The following POLQ variants were observed in gnomAD, a reference collection of about 807,000 sequenced individuals.
The protein encoded by POLQ is DNA polymerase theta.
POLQ carries 233 observed loss-of-function variants against 259.2 expected under a neutral mutation model. The observed-to-expected ratio is 0.90, with a 90% CI of 0.81 to 1.00. POLQ has a LOEUF of 1.00. Ranked by LOEUF, POLQ falls within the 50% of genes least tolerant of loss-of-function variation. The probability of loss-of-function intolerance (pLI) is 0.00; values close to 1 mark genes in which losing one functional copy is unlikely to be tolerated. For synonymous variants in POLQ, 1,025 were observed against 1,048.8 expected, an observed-to-expected ratio of 0.98 and a Z score of 0.44; for missense variants, 2,871 against 3,051.6, an observed-to-expected ratio of 0.94 and a Z score of 1.39.
chr3:121,506,971 A>G (rs1035579282), intron 12 of POLQ, among the ~76,000 whole-genome samples: 3 of 152,168 alleles, frequency 2.0e-5, no homozygotes, highest in Non-Finnish European at 4.4e-5. Context: ...TCCAAGATAC[A>G]CTGTTAAGAA....
At chr3:121,451,185 T>C (rs1322469567) in intron 25 of POLQ, among the ~76,000 whole-genome samples, 1 of 152,188 alleles carries the variant, frequency 6.6e-6, no homozygotes, top group African/African-American at 2.4e-5. Context: ...AGTTAGCCAT[T>C]CGTCTAATCT....
At chr3:121,449,455 G>A in intron 25 of POLQ, 29 bp from the exon 26 acceptor site, 1 of 1,196,672 alleles carries the variant, frequency 8.4e-7, no homozygotes. Flanking sequence ...ACAAATAAAG[G>A]TTATAAGTAC....
intron 8 of POLQ, among the ~76,000 whole-genome samples, chr3:121,520,915 A>G (rs1483397484): frequency 6.6e-6 from 1 of 152,218 alleles, no homozygotes; most frequent in Non-Finnish European, 1.5e-5. Context: ...ACATGAGTAA[A>G]TGAAAAACAG....
At chr3:121,498,335 A>T (rs1392710876) in intron 13 of POLQ, 142 bp downstream of exon 13, 1 of 533,294 alleles carries the variant, frequency 1.9e-6, no homozygotes, top group African/African-American at 2.1e-5. Flanking sequence ...AAAGAAAATG[A>T]AAAAAAAGAA....
At chr3:121,516,017 G>A (rs573418514) in intron 9 of POLQ, among the ~76,000 whole-genome samples, 79 of 151,872 alleles carry the variant, frequency 5.2e-4, no homozygotes, top group Non-Finnish European at 7.2e-4. Flanking sequence ...GAGATGAAGA[G>A]TACAATGAGT....
At chr3:121,457,015 G>A (rs537440858) in intron 25 of POLQ, among the ~76,000 whole-genome samples, 2 of 152,142 alleles carry the variant, frequency 1.3e-5, no homozygotes, top group South Asian at 2.1e-4. Flanking sequence ...AAAACAGCAT[G>A]GTACTGGTAC....
At chr3:121,507,842 T>C (rs1376215909) in intron 12 of POLQ, among the ~76,000 whole-genome samples, 2 of 152,118 alleles carry the variant, frequency 1.3e-5, no homozygotes, top group Non-Finnish European at 2.9e-5. Flanking sequence ...CTTTCAGTTA[T>C]CTCACTTATA....
rs748876572 is a variant in POLQ, at chr3:121,490,428, AAGAC to A, written c.2523-24_2523-21del. ...CGGGCACTACACAAGGAGATGGGAA[AAGAC>A]AGAAATGAATTCATTCATTCGTAAG... On this transcript the variant is annotated intron_variant, in intron 15 of 29. Transcript: ENST00000264233. 3.7e-5 allele frequency: 59 copies of A among 1,591,720 alleles called. No individual in the cohort carries two copies. In the South Asian group the frequency reaches 6.3e-4, roughly 17 times the overall value.
At chr3:121,448,970 A>C (rs2047651915) in intron 26 of POLQ, among the ~76,000 whole-genome samples, 1 of 152,200 alleles carries the variant, frequency 6.6e-6, no homozygotes, top group Non-Finnish European at 1.5e-5. Context: ...TTTAATTAGC[A>C]ATTATCAGAG....
intron 5 of POLQ, among the ~76,000 whole-genome samples, chr3:121,535,139 G>A (rs1158469323): frequency 2.0e-5 from 3 of 152,134 alleles, no homozygotes; most frequent in Admixed American, 2.0e-4. Context: ...TCTATCACAA[G>A]AGAGATGTGT....
intron 12 of POLQ, among the ~76,000 whole-genome samples, chr3:121,503,958 T>A (rs2048191235): frequency 6.6e-6 from 1 of 152,180 alleles, no homozygotes; most frequent in African/African-American, 2.4e-5. Context: ...GTTCAGGTGA[T>A]TCTTCTGCCT....
intron 18 of POLQ, among the ~76,000 whole-genome samples, 162 bp from the exon 19 acceptor site, chr3:121,481,974 A>G (rs1362738400): frequency 6.6e-6 from 1 of 152,224 alleles, no homozygotes; most frequent in Non-Finnish European, 1.5e-5. Context: ...GAATAATTGT[A>G]ACAGGACTCA....
intron 26 of POLQ, among the ~76,000 whole-genome samples, chr3:121,448,115 C>T (rs988277520): frequency 6.6e-5 from 10 of 152,086 alleles, no homozygotes; most frequent in Non-Finnish European, 1.0e-4. Context: ...CTCCTATCTC[C>T]TTCTCTACTC....
chr3:121,535,341 T>C (rs1020853549), intron 5 of POLQ, among the ~76,000 whole-genome samples: 1 of 152,162 alleles, frequency 6.6e-6, no homozygotes, highest in African/African-American at 2.4e-5. Flanking sequence ...AATTTCTCAA[T>C]AGCAATGAGA....
intron 26 of POLQ, among the ~76,000 whole-genome samples, chr3:121,444,017 G>T (rs1250413258): frequency 6.6e-6 from 1 of 151,904 alleles, no homozygotes; most frequent in African/African-American, 2.4e-5. Context: ...GTCAGGTAAT[G>T]TGATTTCTCC....
chr3:121,519,879 TC>T lies in POLQ; in HGVS notation c.1459del (p.Asp487ThrfsTer3). 6.5e-7 allele frequency: 1 copy of T among 1,538,536 alleles called. No individual in the cohort carries two copies. Among genetic ancestry groups the T allele is most frequent in the Non-Finnish European group, 9.0e-7 (1 of 1,111,208 alleles). On this transcript the variant is annotated frameshift_variant, in exon 9 of 30. Transcript: ENST00000264233. LOFTEE classifies it high-confidence loss of function. ...AATTCAAACTCACTTACCTACTGTG[TC>T]CACTCCTTTCCTGCCAGCACGGCCA... ...MVGRAGRKGV[D>X]TVGESILICK... is the part of the protein sequence containing the mutation.
chr3:121,433,942 G>A (rs1219009699), intron 28 of POLQ, among the ~76,000 whole-genome samples: 1 of 152,172 alleles, frequency 6.6e-6, no homozygotes, highest in Admixed American at 6.5e-5. Flanking sequence ...TTGCTCAGAG[G>A]TGGCTCTCAC....
rs1330477759 is a variant in POLQ at position 121,489,118 on chromosome 3, T to A, written c.3813A>T (p.Ser1271=). The A allele has an allele frequency of 6.2e-7, 1 of 1,613,792 alleles. No individual in the cohort carries two copies. The highest frequency in any genetic ancestry group is 1.1e-5 in the South Asian group (1 of 91,076). Residue 1271 remains serine, a synonymous_variant, in exon 16 of 30, where the codon TCA becomes TCT. Coordinates refer to ENST00000264233, the MANE Select transcript of POLQ (RefSeq NM_199420.4). ...CTTCTGATTTGCTAAATGCTCCAGCTGATGGAAGTACTTCACTGGGTATCA... is the reference window on the plus strand; with the variant it reads ...CTTCTGATTTGCTAAATGCTCCAGCAGATGGAAGTACTTCACTGGGTATCA... ...RTVIPSEVLP[S]AGAFSKSEGQ... is the part of the protein sequence containing the mutation.
chr3:121,537,203 C>T lies in POLQ; in HGVS notation c.637G>A (p.Val213Met). 6.4e-7 allele frequency: 1 copy of T among 1,572,628 alleles called. No individual in the cohort carries two copies. Among genetic ancestry groups the T allele is most frequent in the Non-Finnish European group, 8.7e-7 (1 of 1,144,192 alleles). The change falls in exon 5 of 30, where the codon GTG becomes ATG. Residue 213 changes from valine to methionine, a missense_variant. Physicochemically the swap from Val to Met is conservative, Grantham distance 21. This residue lies in a region of POLQ where 783 missense variants were observed against 906.2 expected (regional missense o/e 0.86). Transcript: ENST00000264233. ...EENKMDLLGMVVVDELHMLGD... is the reference protein window; with the variant it reads ...EENKMDLLGMMVVDELHMLGD... ...AGCATATGTAATTCATCCACAACCA[C>T]CATTCCTAAAAAGATTTTCCAGATA...
Sources: allele counts gnomAD v4.1 joint callset (sites outside exome capture counted in the v4.1 genomes callset), GRCh38; gene constraint gnomAD v4.1.1; regional missense constraint gnomAD v4.1.1; transcripts MANE v1.5; gene names NCBI Gene and HGNC (gene_info 2026-07-23, HGNC 2026-07-21).